CDH13: variants seen among roughly 807,000 people sequenced by gnomAD.
CDH13 encodes the protein cadherin-13.
In CDH13, 24 loss-of-function variants were observed where a neutral mutation model predicts 63.8. That is an observed-to-expected ratio of 0.38 (90% CI 0.27 to 0.53). The LOEUF is 0.53. Ranked by LOEUF, CDH13 falls within the 20% of genes least tolerant of loss-of-function variation. The pLI is 0.85. For missense variants in CDH13, 1,049 were observed against 903.1 expected (o/e 1.16, Z -2.07); for synonymous variants, 503 against 355.3 (o/e 1.42, Z -4.67).
chr16:82,868,256 A>G (rs1323179969), intron 2 of CDH13, among the ~76,000 whole-genome samples: 1 of 152,164 alleles, frequency 6.6e-6, no homozygotes, highest in African/African-American at 2.4e-5. Flanking sequence ...GTGGACTCCT[A>G]TTTACATTAA....
intron 1 of CDH13, among the ~76,000 whole-genome samples, chr16:82,772,905 G>A (rs1486255035): frequency 6.6e-6 from 1 of 152,176 alleles, no homozygotes; most frequent in Admixed American, 6.5e-5. Context: ...GGCATAGGTT[G>A]CTTCAGTGGC....
intron 7 of CDH13, among the ~76,000 whole-genome samples, chr16:83,494,214 G>T (rs2074084205): frequency 6.6e-6 from 1 of 151,882 alleles, no homozygotes; most frequent in African/African-American, 2.4e-5. Flanking sequence ...TCTCTTTTTT[G>T]TCATTTTAAA....
chr16:83,491,535 A>G (rs189836880), intron 7 of CDH13, among the ~76,000 whole-genome samples: 101 of 150,712 alleles, frequency 6.7e-4, no homozygotes, highest in African/African-American at 2.0e-3. Flanking sequence ...CACAGCCACA[A>G]TTTGCAACTA....
intron 7 of CDH13, among the ~76,000 whole-genome samples, chr16:83,575,662 C>T (rs149637227): frequency 0.012 from 1,838 of 152,254 alleles, 38 homozygotes; most frequent in African/African-American, 0.042. Context: ...CTTAACCTCC[C>T]GTCAGATTTT....
chr16:82,985,461 G>C (rs1400101997), intron 2 of CDH13, among the ~76,000 whole-genome samples: 1 of 152,182 alleles, frequency 6.6e-6, no homozygotes, highest in Non-Finnish European at 1.5e-5. Flanking sequence ...ATGGTGCTTT[G>C]ATGACAACTG....
chr16:83,777,990 A>G (rs1274197728), intron 11 of CDH13, among the ~76,000 whole-genome samples: 2 of 152,242 alleles, frequency 1.3e-5, no homozygotes, highest in African/African-American at 4.8e-5. Context: ...CGATTGTACT[A>G]CTGTATAAAA....
intron 4 of CDH13, among the ~76,000 whole-genome samples, chr16:83,202,609 G>T (rs901565563): frequency 5.9e-5 from 9 of 152,100 alleles, no homozygotes; most frequent in Non-Finnish European, 1.2e-4. Flanking sequence ...ACATTTCCAG[G>T]CATCAGTCTT....
intron 8 of CDH13, among the ~76,000 whole-genome samples, chr16:83,620,028 T>C (rs1909661684): frequency 6.6e-6 from 1 of 151,558 alleles, no homozygotes; most frequent in Non-Finnish European, 1.5e-5. Flanking sequence ...AGGGGCCAGA[T>C]CTCACCCACA....
intron 2 of CDH13, among the ~76,000 whole-genome samples, chr16:83,013,678 C>T (rs968709299): frequency 3.9e-5 from 6 of 152,168 alleles, no homozygotes; most frequent in African/African-American, 1.4e-4. Flanking sequence ...CAGTGTGATA[C>T]CTGACATAGA....
intron 1 of CDH13, among the ~76,000 whole-genome samples, chr16:82,678,852 C>A (rs12921268): frequency 0.049 from 7,518 of 152,192 alleles, 416 homozygotes; most frequent in East Asian, 0.22. Context: ...TAAAAGAAAA[C>A]AACTCTTTCA....
intron 3 of CDH13, among the ~76,000 whole-genome samples, chr16:83,102,314 T>C (rs140225909): frequency 6.8e-4 from 104 of 152,316 alleles, no homozygotes; most frequent in Non-Finnish European, 1.1e-3. Context: ...TGTTATGACT[T>C]GTTATAGCAG....
chr16:83,171,167 G>A (rs1420239906), intron 4 of CDH13, among the ~76,000 whole-genome samples: 2 of 152,112 alleles, frequency 1.3e-5, no homozygotes, highest in Non-Finnish European at 2.9e-5. Flanking sequence ...TTATAGTCAT[G>A]GTGGAAGGCA....
In CDH13 at chr16:83,797,926, A is replaced by G. The variant is rs543014445; in HGVS notation, c.*2896A>G. On this transcript the variant is annotated 3_prime_UTR_variant, in exon 14 of 14. Coordinates refer to ENST00000567109, the MANE Select transcript of CDH13 (RefSeq NM_001257.5). ...AATATGCACACATTTTCTAATTTCA[A>G]TAAAAGTCACCTTCAATACCGCCAG... The G allele has an allele frequency of 7.2e-5, 11 of 152,230 alleles. No individual in the cohort carries two copies. Among genetic ancestry groups the G allele is most frequent in the Admixed American group, 5.2e-4 (8 of 15,286 alleles). The allele number at this position is 152,230 out of a possible 1,614,324, so 9.4% of individuals were successfully genotyped here. A position where few individuals can be genotyped will look rare whatever the true frequency, so the allele number is the denominator to read the frequency against.
intron 1 of CDH13, among the ~76,000 whole-genome samples, chr16:82,632,047 T>C (rs559687605): frequency 1.3e-5 from 2 of 152,178 alleles, no homozygotes; most frequent in Admixed American, 1.3e-4. Context: ...GAAATCCAGG[T>C]TTCTAGCATT....
intron 1 of CDH13, among the ~76,000 whole-genome samples, chr16:82,742,809 T>C (rs1428548226): frequency 6.6e-6 from 1 of 152,228 alleles, no homozygotes; most frequent in Non-Finnish European, 1.5e-5. Flanking sequence ...CTATCCATCA[T>C]GTACTGAGTA....
chr16:82,715,009 T>A (rs1213256103), intron 1 of CDH13, among the ~76,000 whole-genome samples: 1 of 139,960 alleles, frequency 7.1e-6, no homozygotes, highest in Non-Finnish European at 1.5e-5. Context: ...CGTAGGAAAC[T>A]AATACAAAGT....
chr16:83,317,932 C>G (rs1042509220), intron 5 of CDH13, among the ~76,000 whole-genome samples: 4 of 152,164 alleles, frequency 2.6e-5, no homozygotes, highest in African/African-American at 9.7e-5. Flanking sequence ...CGGGGACTAG[C>G]ACCCAAGTTT....
At chr16:83,258,021 A>G (rs1021630431) in intron 5 of CDH13, among the ~76,000 whole-genome samples, 1 of 152,192 alleles carries the variant, frequency 6.6e-6, no homozygotes, top group Admixed American at 6.5e-5. Context: ...AATGACACTG[A>G]TCATTTTGAA....
intron 3 of CDH13, among the ~76,000 whole-genome samples, chr16:83,117,771 C>G (rs1175325837): frequency 1.3e-5 from 2 of 151,696 alleles, no homozygotes; most frequent in African/African-American, 4.8e-5. Flanking sequence ...CCTCCACCCT[C>G]CCTTCCCACC....
Sources: gnomAD v4.1 joint callset for allele counts (sites outside exome capture counted in the v4.1 genomes callset) on GRCh38, gnomAD v4.1.1 for gene constraint, MANE v1.5 for transcripts, NCBI Gene and HGNC (gene_info 2026-07-23, HGNC 2026-07-21) for gene names.